Variants in EVC2 observed in about 807,000 individuals in gnomAD.
The protein encoded by EVC2 is limbin.
In EVC2, 148 loss-of-function variants were observed where a neutral mutation model predicts 149.3. The ratio of observed to expected loss-of-function variants is 0.99; its 90% CI spans 0.87 to 1.14. EVC2 has a LOEUF of 1.14. Among genes scored for constraint, EVC2 ranks in the 50% most tolerant of loss-of-function variants. The probability of loss-of-function intolerance (pLI) is 0.00; values close to 1 mark genes in which losing one functional copy is unlikely to be tolerated. For synonymous variants in EVC2, 776 were observed against 649.9 expected, an observed-to-expected ratio of 1.19 and a Z score of -2.95; for missense variants, 1,854 against 1,627.3, an observed-to-expected ratio of 1.14 and a Z score of -2.40.
At chr4:5,682,088 G>C (rs1007574807) in intron 6 of EVC2, among the ~76,000 whole-genome samples, 2 of 152,154 alleles carry the variant, frequency 1.3e-5, no homozygotes, top group Admixed American at 6.5e-5. Flanking sequence ...GATTAACTTA[G>C]GTAATATAGA....
intron 9 of EVC2, among the ~76,000 whole-genome samples, chr4:5,658,236 A>G (rs1483615868): frequency 6.6e-6 from 1 of 152,144 alleles, no homozygotes; most frequent in African/African-American, 2.4e-5. Flanking sequence ...GGATTCATCA[A>G]TCCATTAATT....
chr4:5,561,636 A>G (rs574331548), downstream of EVC2, among the ~76,000 whole-genome samples: 1 of 152,308 alleles, frequency 6.6e-6, no homozygotes, highest in African/African-American at 2.4e-5. Flanking sequence ...AGGGACATCC[A>G]TGGCAGATAA....
the EVC2 span, among the ~76,000 whole-genome samples, chr4:5,537,651 A>G: frequency 2.0e-5 from 3 of 152,240 alleles, no homozygotes; most frequent in African/African-American, 7.2e-5. Context: ...GCCCCCAACA[A>G]GTTAAAATGA....
chr4:5,692,917 A>G lies in EVC2; in HGVS notation c.450+1418T>C, dbSNP rs1002369854. On this transcript the variant is annotated intron_variant, in intron 3 of 21. Transcript: ENST00000344408. ...AAAAAAGAAAATTAACAAAAATGCC[A>G]TTTTCCAAAGAACACGCGGACAATA... Among the ~76,000 whole-genome samples, 4 of 150,184 alleles carry G rather than the reference A, an allele frequency of 2.7e-5. 1 individual carries two copies. The highest frequency in any genetic ancestry group is 5.9e-5 in the Non-Finnish European group (4 of 67,630).
intron 16 of EVC2, among the ~76,000 whole-genome samples, chr4:5,601,856 C>G (rs1481291424): frequency 2.0e-5 from 3 of 152,134 alleles, no homozygotes; most frequent in African/African-American, 7.2e-5. Context: ...GCATGAGGCA[C>G]AGAGGTCAGT....
chr4:5,574,856 A>G, intron 18 of EVC2, 84 bp from the exon 19 acceptor site: 1 of 1,335,192 alleles, frequency 7.5e-7, no homozygotes, highest in Non-Finnish European at 1.1e-6. Flanking sequence ...AATAACAAAG[A>G]AGCACACATC....
intron 16 of EVC2, among the ~76,000 whole-genome samples, chr4:5,593,642 C>T (rs997712269): frequency 3.9e-5 from 6 of 152,276 alleles, no homozygotes; most frequent in East Asian, 1.9e-4. Flanking sequence ...GCGTGAGCGA[C>T]GCACAAGATG....
At chr4:5,610,746 G>C (rs73063751) in intron 16 of EVC2, among the ~76,000 whole-genome samples, 7,913 of 151,428 alleles carry the variant, frequency 0.052, 662 homozygotes, top group African/African-American at 0.18. Context: ...TACTCTTGCA[G>C]CGTGTTCTTC....
chr4:5,692,774 G>A (rs1356656569), intron 3 of EVC2, among the ~76,000 whole-genome samples: 2 of 148,440 alleles, frequency 1.3e-5, no homozygotes, highest in East Asian at 2.0e-4. Context: ...GGCTGAGGCA[G>A]GAGAATGGCG....
At chr4:5,683,564 T>C (rs893283317) in intron 6 of EVC2, among the ~76,000 whole-genome samples, 1 of 152,124 alleles carries the variant, frequency 6.6e-6, no homozygotes, top group Admixed American at 6.5e-5. Flanking sequence ...ACTAGGTCCC[T>C]GGTTTCACGG....
intron 21 of EVC2, among the ~76,000 whole-genome samples, chr4:5,553,615 G>A (rs180688964): frequency 2.1e-3 from 323 of 152,222 alleles, no homozygotes; most frequent in African/African-American, 7.3e-3. Context: ...TTTTGGAGGA[G>A]TAATAAAATT....
chr4:5,645,249 CTT>C (rs11351682), intron 9 of EVC2, among the ~76,000 whole-genome samples: 31,573 of 140,942 alleles, frequency 0.22, 3,448 homozygotes, highest in East Asian at 0.32. Context: ...ACATCCACCT[CTT>C]TTTTTTTTTT....
chr4:5,608,233 A>C (rs1407994330), intron 16 of EVC2, among the ~76,000 whole-genome samples: 1 of 152,192 alleles, frequency 6.6e-6, no homozygotes, highest in Non-Finnish European at 1.5e-5. Context: ...GTCACCCAGC[A>C]GGTACTCCCA....
At position 5,694,518 on chromosome 4, in the gene EVC2, C is replaced by G; in HGVS notation, c.284-17G>C. 6.2e-7 allele frequency: 1 copy of G among 1,614,176 alleles called. No individual in the cohort carries two copies. Among genetic ancestry groups the G allele is most frequent in the African/African-American group, 1.3e-5 (1 of 75,048 alleles). On this transcript the variant is annotated splice_polypyrimidine_tract_variant and intron_variant, in intron 2 of 21. Transcript: ENST00000344408. ...GTGCTTCCACTGCAAAACAACAACA[C>G]ACCCGTTTTATATAATGCGGAAAGA...
chr4:5,559,311 C>T (rs549598249), downstream of EVC2, among the ~76,000 whole-genome samples: 1 of 152,268 alleles, frequency 6.6e-6, no homozygotes, highest in Non-Finnish European at 1.5e-5. This position sits in a 1 kb window ranked among gnomAD's most constrained non-coding sequence, Gnocchi z 5.0. Context: ...ATAATATAGA[C>T]ACAGATTATT....
intron 7 of EVC2, among the ~76,000 whole-genome samples, chr4:5,673,452 C>T (rs544569459): frequency 6.6e-6 from 1 of 152,328 alleles, no homozygotes; most frequent in East Asian, 1.9e-4. Context: ...TTCCCTTAAA[C>T]ATGCTGCAGC....
At chr4:5,671,991 G>A (rs1719678329) in intron 7 of EVC2, among the ~76,000 whole-genome samples, 1 of 152,198 alleles carries the variant, frequency 6.6e-6, no homozygotes, top group Admixed American at 6.5e-5. Flanking sequence ...CTGAGTCACT[G>A]GAGCCCTGTA....
At position 5,706,381 on chromosome 4, in the gene EVC2, CATAGATAG is replaced by C. The variant is rs373650736; in HGVS notation, c.228+1897_228+1904del. On this transcript the variant is annotated intron_variant, in intron 1 of 21. Transcript: ENST00000344408. Reference sequence around the variant, plus strand: ...ACATAGATAGATACATAGATAGATACATAGATAGATACATAGATAGATAGATAGATACA... The same window carrying C: ...ACATAGATAGATACATAGATAGATACATACATAGATAGATAGATAGATACA... Among the ~76,000 whole-genome samples the C allele has an allele frequency of 5.6e-3, 41 of 7,376 alleles. 6 individuals are homozygous for C. Among genetic ancestry groups the C allele is most frequent in the Non-Finnish European group, 7.1e-3 (28 of 3,928 alleles). 4.8% of individuals were successfully genotyped at this position (7,376 alleles called of 152,430 possible). A position where few individuals can be genotyped will look rare whatever the true frequency, so the allele number is the denominator to read the frequency against.
In EVC2 at chr4:5,636,430, G is replaced by A. The variant is rs1239331697; in HGVS notation, c.1470+4084C>T. On this transcript the variant is annotated intron_variant, in intron 10 of 21. Transcript: ENST00000344408. The surrounding 1 kb of genome is among the most constrained non-coding windows in gnomAD (Gnocchi z 4.6). ...TTTCTGTGTGTATTGAACACATACA[G>A]ACTATTTTTTTCTTGTTGTTATTCC... is the stretch of plus-strand genomic sequence containing the variant. 6.6e-6 allele frequency among the ~76,000 whole-genome samples: 1 copy of A among 152,148 alleles called. No homozygotes were observed. Among genetic ancestry groups the A allele is most frequent in the Non-Finnish European group, 1.5e-5 (1 of 68,016 alleles).
Sources: gnomAD v4.1 joint callset for allele counts (sites outside exome capture counted in the v4.1 genomes callset) on GRCh38, gnomAD v4.1.1 for gene constraint, Gnocchi (gnomAD v3.1) non-coding constraint, MANE v1.5 for transcripts, NCBI Gene and HGNC (gene_info 2026-07-23, HGNC 2026-07-21) for gene names.